The following KDM5D variants were observed in gnomAD, a reference collection of about 807,000 sequenced individuals.
KDM5D encodes the protein lysine-specific demethylase 5D.
KDM5D carries 25 observed loss-of-function variants against 31.9 expected under a neutral mutation model. The observed-to-expected ratio is 0.78, with a 90% CI of 0.57 to 1.09. The LOEUF (loss-of-function observed/expected upper bound fraction) is 1.09. KDM5D is among the 50% of genes least tolerant of loss of function. The probability of loss-of-function intolerance (pLI) is 0.00; values close to 1 mark genes in which losing one functional copy is unlikely to be tolerated. For synonymous variants in KDM5D, 146 were observed against 122.3 expected (o/e 1.19, Z -1.28); for missense variants, 366 against 341.6 (o/e 1.07, Z -0.56).
At chrY:19,742,542 A>C (rs2045560147) in intron 3 of KDM5D, among the ~76,000 whole-genome samples, 1 of 34,527 alleles carries the variant, frequency 2.9e-5, no homozygotes, top group Non-Finnish European at 7.3e-5. Flanking sequence ...AAATTTAGTC[A>C]CACTGGGTGC....
intron 9 of KDM5D, 76 bp downstream of exon 9, chrY:19,732,508 C>A: frequency 3.9e-6 from 1 of 259,300 alleles, no homozygotes; most frequent in Non-Finnish European, 5.8e-6. Flanking sequence ...CAGAAACTAC[C>A]TTCCCAAAAC....
At chrY:19,734,539 G>C (rs2045494820) in intron 8 of KDM5D, among the ~76,000 whole-genome samples, 1 of 33,953 alleles carries the variant, frequency 2.9e-5, no homozygotes, top group East Asian at 7.7e-4. Flanking sequence ...ACTACTAGCT[G>C]TAAGGGTTAG....
At chrY:19,741,535 A>G (rs761688913) in intron 4 of KDM5D, 47 bp from the exon 5 acceptor site, 1 of 291,958 alleles carries the variant, frequency 3.4e-6, no homozygotes, top group Non-Finnish European at 5.2e-6. Flanking sequence ...CAGACTGGAA[A>G]GGGCTACCAA....
rs2045277674 is a variant in KDM5D at position 19,709,459 on chromosome Y, C to A, written c.2934G>T (p.Leu978=). The A allele has an allele frequency of 2.5e-6, 1 of 396,982 alleles. No individual in the cohort carries two copies. Among genetic ancestry groups the A allele is most frequent in the Non-Finnish European group, 3.5e-6 (1 of 283,097 alleles). Residue 978 remains leucine (L), a synonymous_variant, in exon 20 of 27, where the codon CTG becomes CTT. Transcript: ENST00000317961. ...ERWEEKAHFC[L]EARQKHPPAT... The stretch of plus-strand genomic sequence containing the variant: ...GAGAGACTACGCCCCACCTGGCCTC[C>A]AGGCAGAAATGAGCCTTTTCTTCCC...
intron 5 of KDM5D, 45 bp from the exon 6 acceptor site, chrY:19,739,707 G>A: frequency 3.4e-6 from 1 of 298,289 alleles, no homozygotes; most frequent in Non-Finnish European, 5.0e-6. Flanking sequence ...AGTCATATTT[G>A]TAATAAGTGA....
chrY:19,738,225 AC>A (rs2045522795), intron 6 of KDM5D, among the ~76,000 whole-genome samples: 1 of 33,886 alleles, frequency 3.0e-5, no homozygotes, highest in African/African-American at 1.2e-4. Context: ...TAGACCTTTT[AC>A]TGGTATTTAC....
Position 19,739,522 on chromosome Y carries a change from A to C in KDM5D, c.657+6T>G. ...AGGAAGAATAACAGGAGTAACAGTC[A>C]CTCACATCAGGCTGTAGCCTTTTTG... On this transcript the variant is annotated splice_donor_region_variant and intron_variant, in intron 6 of 26. Transcript: ENST00000317961. 5.1e-6 allele frequency: 2 copies of C among 393,488 alleles called. No homozygotes were observed. Among genetic ancestry groups the C allele is most frequent in the South Asian group, 6.1e-5 (2 of 33,019 alleles).
chrY:19,739,921 T>A, intron 5 of KDM5D, among the ~76,000 whole-genome samples: 2 of 34,109 alleles, frequency 5.9e-5, no homozygotes, highest in South Asian at 1.3e-3. Context: ...TCTGTGTGCT[T>A]TCAGCAAACA....
At chrY:19,739,936 G>A (rs2045537054) in intron 5 of KDM5D, among the ~76,000 whole-genome samples, 1 of 33,813 alleles carries the variant, frequency 3.0e-5, no homozygotes, top group Non-Finnish European at 7.3e-5. Flanking sequence ...CAAACATACT[G>A]AACTTCTCTC....
Position 19,705,191 on chromosome Y carries a change from C to T in KDM5D, c.*804G>A, listed in dbSNP as rs2045218992. The T allele has an allele frequency of 3.0e-5, 1 of 33,650 alleles. No individual in the cohort carries two copies. The highest frequency in any genetic ancestry group is 1.2e-4 in the African/African-American group (1 of 8,616). 8.4% of individuals were successfully genotyped at this position (33,650 alleles called of 400,897 possible). ...CAGATTTTCAATAAAAAGCACAAAGCAATTAAGTGTAGGACAGGTAAGTTT... is the reference window on the plus strand; with the variant it reads ...CAGATTTTCAATAAAAAGCACAAAGTAATTAAGTGTAGGACAGGTAAGTTT... On this transcript the variant is annotated 3_prime_UTR_variant, in exon 27 of 27. Transcript: ENST00000317961.
At chrY:19,718,460 A>G (rs2045364819) in intron 13 of KDM5D, among the ~76,000 whole-genome samples, 2 of 34,811 alleles carry the variant, frequency 5.7e-5, no homozygotes, top group Admixed American at 5.1e-4. Context: ...CACATATTGT[A>G]TGATTCCATT....
chrY:19,732,863 T>G, intron 8 of KDM5D, 121 bp from the exon 9 acceptor site: 1 of 162,177 alleles, frequency 6.2e-6, no homozygotes, highest in Non-Finnish European at 1.1e-5. Context: ...GTTGTATTTA[T>G]GAGCTTACTA....
At chrY:19,722,912 C>T (rs2045404755) in intron 11 of KDM5D, among the ~76,000 whole-genome samples, 1 of 32,356 alleles carries the variant, frequency 3.1e-5, no homozygotes, top group Non-Finnish European at 7.6e-5. Context: ...ACAGATTCAA[C>T]GCTATTTCTA....
Position 19,709,448 on chromosome Y carries a change from C to T in KDM5D, c.2942+3G>A. On this transcript the variant is annotated splice_donor_region_variant and intron_variant, in intron 20 of 26. Coordinates refer to ENST00000317961, the MANE Select transcript of KDM5D (RefSeq NM_004653.5). Reference sequence around the variant, plus strand: ...ATACAGACAGGGAGAGACTACGCCCCACCTGGCCTCCAGGCAGAAATGAGC... The same window carrying T: ...ATACAGACAGGGAGAGACTACGCCCTACCTGGCCTCCAGGCAGAAATGAGC... The T allele has an allele frequency of 2.5e-6, 1 of 398,748 alleles. No individual in the cohort carries two copies. The highest frequency in any genetic ancestry group is 3.5e-6 in the Non-Finnish European group (1 of 283,414).
At chrY:19,707,092 G>C in intron 24 of KDM5D, 55 bp downstream of exon 24, 1 of 382,937 alleles carries the variant, frequency 2.6e-6, no homozygotes, top group Middle Eastern at 6.1e-4. Context: ...GCTACAAGAA[G>C]GACAGGGGCT....
chrY:19,704,778 G>C lies in KDM5D; in HGVS notation c.*1217C>G, dbSNP rs371369701. 3 of 33,249 alleles carry C rather than the reference G, an allele frequency of 9.0e-5. No homozygotes were observed. The highest frequency in any genetic ancestry group is 2.2e-4 in the Non-Finnish European group (3 of 13,449). The allele number at this position is 33,249 out of a possible 400,897, so 8.3% of individuals were successfully genotyped here. A position where few individuals can be genotyped will look rare whatever the true frequency, so the allele number is the denominator to read the frequency against. ...ACACACAAAACAAGAACCGTGAATT[G>C]AATTAGTGGTATACTAATAGAGTGG... On this transcript the variant is annotated 3_prime_UTR_variant, in exon 27 of 27. Transcript: ENST00000317961.
At position 19,744,454 on chromosome Y, in the gene KDM5D, C is replaced by G; in HGVS notation, c.81G>C (p.Pro27=). The part of the protein sequence containing the change: ...FEPSWAEFQD[P]LGYIAKIRPI... ...GCCTTATTTTCGCAATGTAGCCAAG[C>G]GGGTCTTGGAATTCAGCCCAGCTAG... The change falls in exon 2 of 27, where the codon CCG becomes CCC. Residue 27 remains proline (P), a synonymous_variant. Transcript: ENST00000317961. 1 of 394,882 alleles carries G rather than the reference C, an allele frequency of 2.5e-6. No homozygotes were observed. The highest frequency in any genetic ancestry group is 3.6e-6 in the Non-Finnish European group (1 of 281,148).
chrY:19,743,476 A>G, intron 2 of KDM5D, among the ~76,000 whole-genome samples: 1 of 31,736 alleles, frequency 3.2e-5, no homozygotes, highest in African/African-American at 1.2e-4. Context: ...ACGAAAAAAA[A>G]AAAAAAAACC....
chrY:19,718,527 G>T, intron 13 of KDM5D, among the ~76,000 whole-genome samples: 3 of 34,215 alleles, frequency 8.8e-5, no homozygotes, highest in Non-Finnish European at 2.2e-4. Flanking sequence ...GTGGTCCAAG[G>T]TTAGAAGCAG....
Sources: gnomAD v4.1 joint callset for allele counts (sites outside exome capture counted in the v4.1 genomes callset) on GRCh38, gnomAD v4.1.1 for gene constraint, MANE v1.5 for transcripts, NCBI Gene and HGNC (gene_info 2026-07-23, HGNC 2026-07-21) for gene names.